The following RBFOX1 variants were observed in gnomAD, a reference collection of about 807,000 sequenced individuals.
RBFOX1 encodes the protein RNA binding fox-1 homolog 1.
Under a neutral mutation model 57.7 loss-of-function variants are expected in RBFOX1, and 8 were observed. That is an observed-to-expected ratio of 0.14 (90% CI 0.08 to 0.25). RBFOX1 has a LOEUF of 0.25. Among genes scored for constraint, RBFOX1 ranks in the 10% least tolerant of loss-of-function variants. RBFOX1 has a pLI of 1.00. For missense variants in RBFOX1, 611 were observed against 548.5 expected (o/e 1.11, Z -1.14); for synonymous variants, 326 against 222.4 (o/e 1.47, Z -4.15).
chr16:7,495,202 T>C (rs1310737020), intron 4 of RBFOX1, among the ~76,000 whole-genome samples: 1 of 152,180 alleles, frequency 6.6e-6, no homozygotes, highest in African/African-American at 2.4e-5. Flanking sequence ...CCACATTTTC[T>C]TTATCCAGTC....
intron 3 of RBFOX1, among the ~76,000 whole-genome samples, chr16:6,879,527 A>T (rs1340976727): frequency 6.6e-6 from 1 of 152,240 alleles, no homozygotes; most frequent in Non-Finnish European, 1.5e-5. Flanking sequence ...CTACAAAGTT[A>T]GGTTAATGAG....
chr16:7,409,326 G>C (rs1377376042), intron 4 of RBFOX1, among the ~76,000 whole-genome samples: 1 of 152,244 alleles, frequency 6.6e-6, no homozygotes, highest in Non-Finnish European at 1.5e-5. Context: ...CACTGGAGCA[G>C]AAAGAGCCCT....
At chr16:5,864,089 G>T (rs986887101) in intron 3 of RBFOX1, among the ~76,000 whole-genome samples, 1 of 152,054 alleles carries the variant, frequency 6.6e-6, no homozygotes, top group African/African-American at 2.4e-5. Flanking sequence ...ATTGTGTATT[G>T]TTCCTTTCTA....
intron 1 of RBFOX1, among the ~76,000 whole-genome samples, chr16:5,445,632 C>T (rs2068218397): frequency 1.3e-5 from 2 of 152,208 alleles, no homozygotes; most frequent in South Asian, 4.1e-4. Context: ...CTATACTCAT[C>T]TCCCAATTTA....
chr16:6,596,511 C>A (rs1388326470), intron 2 of RBFOX1, among the ~76,000 whole-genome samples: 1 of 146,552 alleles, frequency 6.8e-6, no homozygotes, highest in African/African-American at 2.8e-5. Context: ...AGGAGGGGTC[C>A]CACTCCTGTG....
intron 4 of RBFOX1, among the ~76,000 whole-genome samples, chr16:7,116,933 G>C (rs1471102266): frequency 6.6e-6 from 1 of 152,168 alleles, no homozygotes. Flanking sequence ...GGTTCTTTGG[G>C]AGGATATAAC....
At chr16:5,742,221 TCC>T (rs1491147738) in intron 3 of RBFOX1, among the ~76,000 whole-genome samples, 4 of 54,946 alleles carry the variant, frequency 7.3e-5, no homozygotes, top group Admixed American at 2.0e-4. Context: ...CTTTCCTTCC[TCC>T]CTTCCTTCCT....
intron 4 of RBFOX1, among the ~76,000 whole-genome samples, chr16:6,013,874 A>G (rs112647825): frequency 0.082 from 12,391 of 150,806 alleles, 599 homozygotes; most frequent in African/African-American, 0.13. Flanking sequence ...AAAAAAACAA[A>G]CACCGCATGT....
chr16:7,707,964 A>ATGCTG (rs1568601522), intron 14 of RBFOX1, among the ~76,000 whole-genome samples: 4 of 152,144 alleles, frequency 2.6e-5, no homozygotes, highest in Non-Finnish European at 5.9e-5. Context: ...CAGCATTCAA[A>ATGCTG]CTATCTCCAG....
intron 2 of RBFOX1, among the ~76,000 whole-genome samples, chr16:6,443,556 C>T (rs957363322): frequency 7.2e-5 from 11 of 152,172 alleles, no homozygotes; most frequent in African/African-American, 1.4e-4. Context: ...TGAAAATACC[C>T]AGTGTGCTCT....
chr16:7,192,810 A>G (rs9926140), intron 4 of RBFOX1, among the ~76,000 whole-genome samples: 28,873 of 152,142 alleles, frequency 0.19, 2,973 homozygotes, highest in East Asian at 0.37. Context: ...CAACATTTTT[A>G]AAAAGTAAAA....
At chr16:6,674,868 A>T (rs1018284932) in intron 3 of RBFOX1, among the ~76,000 whole-genome samples, 1 of 151,956 alleles carries the variant, frequency 6.6e-6, no homozygotes, top group Non-Finnish European at 1.5e-5. Context: ...GGAGAGAATA[A>T]ATTACTGTTG....
At chr16:5,625,704 C>T (rs1433744118) in intron 3 of RBFOX1, among the ~76,000 whole-genome samples, 1 of 148,642 alleles carries the variant, frequency 6.7e-6, no homozygotes, top group South Asian at 2.2e-4. Flanking sequence ...ACTACAGGTG[C>T]CCACCACCAT....
chr16:6,861,944 A>G (rs759549189), intron 3 of RBFOX1, among the ~76,000 whole-genome samples: 3 of 150,986 alleles, frequency 2.0e-5, no homozygotes, highest in Non-Finnish European at 4.4e-5. Flanking sequence ...CTGCAAACAG[A>G]ACTGGTTTGG....
At chr16:7,028,993 G>A (rs1196061840) in intron 3 of RBFOX1, among the ~76,000 whole-genome samples, 1 of 135,830 alleles carries the variant, frequency 7.4e-6, no homozygotes, top group African/African-American at 2.8e-5. Flanking sequence ...ATCTCCAGAT[G>A]AACTTAACTA....
intron 2 of RBFOX1, among the ~76,000 whole-genome samples, chr16:6,336,182 T>TATATATATATATA (rs58185113): frequency 6.3e-4 from 15 of 23,946 alleles, no homozygotes; most frequent in Non-Finnish European, 1.0e-3. Flanking sequence ...TATATATATA[T>TATATATATATATA]TTTTTTTTTT....
intron 2 of RBFOX1, among the ~76,000 whole-genome samples, chr16:6,325,895 C>G (rs1389744683): frequency 6.6e-6 from 1 of 152,142 alleles, no homozygotes; most frequent in Admixed American, 6.5e-5. Flanking sequence ...AAAATACCAG[C>G]CCAACTCCAT....
intron 3 of RBFOX1, among the ~76,000 whole-genome samples, chr16:6,790,295 C>A (rs911458625): frequency 6.6e-6 from 1 of 151,792 alleles, no homozygotes; most frequent in Non-Finnish European, 1.5e-5. Flanking sequence ...AGCCATTCTC[C>A]TGCCTCAGCT....
chr16:6,922,629 T>G (rs1439632131), intron 3 of RBFOX1, among the ~76,000 whole-genome samples: 1 of 152,214 alleles, frequency 6.6e-6, no homozygotes, highest in Non-Finnish European at 1.5e-5. Flanking sequence ...CTGTTGAATG[T>G]GAAATGTGCA....
Sources: allele counts gnomAD v4.1 joint callset (sites outside exome capture counted in the v4.1 genomes callset), GRCh38; gene constraint gnomAD v4.1.1; transcripts MANE v1.5; gene names NCBI Gene and HGNC (gene_info 2026-07-23, HGNC 2026-07-21).